Variants in TMTC2 observed in about 807,000 individuals in gnomAD.
TMTC2 encodes the protein transmembrane O-mannosyltransferase targeting cadherins 2, also known as protein O-mannosyl-transferase TMTC2.
TMTC2 carries 43 observed loss-of-function variants against 82.4 expected under a neutral mutation model. The observed-to-expected ratio is 0.52, with a 90% confidence interval of 0.41 to 0.67. The LOEUF (loss-of-function observed/expected upper bound fraction) is 0.67, where lower values mean the gene tolerates loss of function less well. TMTC2 is among the 30% of genes least tolerant of loss of function. The probability of loss-of-function intolerance (pLI) is 0.00; values close to 1 mark genes in which losing one functional copy is unlikely to be tolerated. For synonymous variants in TMTC2, 408 were observed against 381.9 expected, an observed-to-expected ratio of 1.07 and a Z score of -0.80; for missense variants, 919 against 1,012.4, an observed-to-expected ratio of 0.91 and a Z score of 1.25.
intron 4 of TMTC2, among the ~76,000 whole-genome samples, chr12:82,944,783 T>C (rs1876911581): frequency 6.6e-6 from 1 of 152,138 alleles, no homozygotes; most frequent in African/African-American, 2.4e-5. Context: ...ACATCAGTCC[T>C]AGGTGTAGAA....
intron 1 of TMTC2, among the ~76,000 whole-genome samples, chr12:82,710,442 A>C (rs1873569214): frequency 6.6e-6 from 1 of 152,204 alleles, no homozygotes; most frequent in African/African-American, 2.4e-5. Context: ...GTTTTGCTTC[A>C]TCCAAGATGA....
At chr12:82,727,943 G>A (rs905297740) in intron 1 of TMTC2, among the ~76,000 whole-genome samples, 1 of 151,938 alleles carries the variant, frequency 6.6e-6, no homozygotes, top group African/African-American at 2.4e-5. Context: ...TTATTTTGGT[G>A]TCTCCTTTTA....
intron 11 of TMTC2, among the ~76,000 whole-genome samples, chr12:83,087,426 T>G (rs1200675406): frequency 1.3e-5 from 2 of 152,216 alleles, no homozygotes; most frequent in Non-Finnish European, 2.9e-5. Flanking sequence ...TCATGAATGT[T>G]GTGAATGGCA....
chr12:82,890,306 T>C (rs1613988), intron 2 of TMTC2, among the ~76,000 whole-genome samples: 92,107 of 151,688 alleles, frequency 0.61, 30,359 homozygotes, highest in African/African-American at 0.88. Context: ...ACATTTTTTC[T>C]CCTAATATTC....
chr12:82,751,518 A>G (rs999517582), intron 1 of TMTC2, among the ~76,000 whole-genome samples: 6 of 152,130 alleles, frequency 3.9e-5, no homozygotes, highest in Non-Finnish European at 7.3e-5. Context: ...GCACATGTAT[A>G]CTAAAACTTA....
intron 1 of TMTC2, among the ~76,000 whole-genome samples, chr12:82,731,763 A>G (rs751055441): frequency 1.6e-4 from 24 of 152,224 alleles, no homozygotes; most frequent in Non-Finnish European, 2.6e-4. Context: ...CTAGTAAACC[A>G]AGTAAGTGTT....
chr12:82,923,228 A>G (rs944238671), intron 3 of TMTC2, among the ~76,000 whole-genome samples: 2 of 152,116 alleles, frequency 1.3e-5, no homozygotes, highest in African/African-American at 4.8e-5. Context: ...TTTTCATTTC[A>G]GGGGGGTTAC....
At chr12:82,932,556 G>A (rs1028769888) in intron 4 of TMTC2, among the ~76,000 whole-genome samples, 5 of 152,044 alleles carry the variant, frequency 3.3e-5, no homozygotes, top group African/African-American at 9.7e-5. Flanking sequence ...CATCTAAATA[G>A]TGTTATATTA....
intron 1 of TMTC2, among the ~76,000 whole-genome samples, chr12:82,764,836 CAT>C (rs1491586636): frequency 0.11 from 1,524 of 13,598 alleles, 20 homozygotes; most frequent in African/African-American, 0.2. Context: ...AGTGAATCTG[CAT>C]TTTTTTTTTT....
intron 2 of TMTC2, among the ~76,000 whole-genome samples, chr12:82,893,552 A>G (rs1873507810): frequency 6.6e-6 from 1 of 152,138 alleles, no homozygotes; most frequent in Non-Finnish European, 1.5e-5. Flanking sequence ...ATTGTATCTG[A>G]TATTAATGAA....
At chr12:82,911,047 A>AT (rs1221134429) in intron 3 of TMTC2, among the ~76,000 whole-genome samples, 12 of 151,566 alleles carry the variant, frequency 7.9e-5, no homozygotes, top group East Asian at 1.9e-4. Flanking sequence ...TGCCCGGCTA[A>AT]TTTTTTGTAT....
chr12:82,790,143 A>G (rs1327745291), intron 1 of TMTC2, among the ~76,000 whole-genome samples: 1 of 150,836 alleles, frequency 6.6e-6, no homozygotes, highest in Non-Finnish European at 1.5e-5. Flanking sequence ...TCCTTGCACC[A>G]TACACTCTAG....
intron 1 of TMTC2, among the ~76,000 whole-genome samples, chr12:82,797,022 T>G (rs1878752445): frequency 6.6e-6 from 1 of 152,214 alleles, no homozygotes; most frequent in African/African-American, 2.4e-5. Context: ...AGACTAAATG[T>G]TGGTTCCTGC....
At chr12:82,690,834 T>G (rs1406861765) in intron 1 of TMTC2, among the ~76,000 whole-genome samples, 1 of 152,216 alleles carries the variant, frequency 6.6e-6, no homozygotes, top group Non-Finnish European at 1.5e-5. Context: ...TTCTCTTATT[T>G]TCTGGAGAAA....
At chr12:82,867,169 A>G (rs1481717144) in intron 2 of TMTC2, among the ~76,000 whole-genome samples, 1 of 152,114 alleles carries the variant, frequency 6.6e-6, no homozygotes, top group Non-Finnish European at 1.5e-5. Flanking sequence ...TGTTGGTCTG[A>G]TTATAACTCT....
chr12:83,129,143 A>G (rs1885185342), intron 11 of TMTC2, among the ~76,000 whole-genome samples: 1 of 152,194 alleles, frequency 6.6e-6, no homozygotes, highest in African/African-American at 2.4e-5. Flanking sequence ...ATAGCCATTT[A>G]TATTTACACC....
intron 1 of TMTC2, among the ~76,000 whole-genome samples, chr12:82,808,907 A>C (rs1302511882): frequency 2.6e-5 from 4 of 151,754 alleles, no homozygotes; most frequent in Admixed American, 2.6e-4. Context: ...TACTATATAA[A>C]ATTACAGTTA....
chr12:82,687,223 C>T lies in TMTC2; in HGVS notation c.-364C>T, dbSNP rs966399160. 9.8e-6 allele frequency: 3 copies of T among 307,278 alleles called. No homozygotes were observed. Among genetic ancestry groups the T allele is most frequent in the Admixed American group, 4.7e-5 (1 of 21,420 alleles). 19.0% of individuals were successfully genotyped at this position (307,278 alleles called of 1,614,324 possible). A position where few individuals can be genotyped will look rare whatever the true frequency, so the allele number is the denominator to read the frequency against. On this transcript the variant is annotated 5_prime_UTR_variant, in exon 1 of 12. Transcript: ENST00000321196. ...CCTTCCACCTCCTCCGAGTCCCACT[C>T]CTCACCTAGGACGCCCCAAACTGCC...
chr12:82,832,635 A>C (rs923998233), intron 1 of TMTC2, among the ~76,000 whole-genome samples: 1 of 152,170 alleles, frequency 6.6e-6, no homozygotes, highest in Admixed American at 6.6e-5. Context: ...ATTAATTTAT[A>C]AGGCTTAGCC....
Sources: allele counts gnomAD v4.1 joint callset (sites outside exome capture counted in the v4.1 genomes callset), GRCh38; gene constraint gnomAD v4.1.1; transcripts MANE v1.5; gene names NCBI Gene and HGNC (gene_info 2026-07-23, HGNC 2026-07-21).